The following THUMPD3 variants were observed in gnomAD, a reference collection of about 807,000 sequenced individuals.
THUMPD3 encodes the protein tRNA (guanine(6)-N(2))-methyltransferase THUMP3.
In THUMPD3, 44 loss-of-function variants were observed where a neutral mutation model predicts 54.5. The ratio of observed to expected loss-of-function variants is 0.81; its 90% CI spans 0.63 to 1.04. The LOEUF is 1.04. Ranked by LOEUF, THUMPD3 falls within the 50% of genes least tolerant of loss-of-function variation. The probability of loss-of-function intolerance (pLI) is 0.00; values close to 1 mark genes in which losing one functional copy is unlikely to be tolerated. For missense variants in THUMPD3, 604 were observed against 601.3 expected (o/e 1.00, Z -0.05); for synonymous variants, 196 against 201.4 (o/e 0.97, Z 0.23).
intron 5 of THUMPD3, 137 bp downstream of exon 5, chr3:9,374,783 A>G: frequency 2.0e-6 from 2 of 1,010,154 alleles, no homozygotes; most frequent in Non-Finnish European, 2.9e-6. Flanking sequence ...TGGAAAGCTA[A>G]TGATCTATTT....
In THUMPD3 at chr3:9,371,174, A is replaced by C. The variant is rs777135939; in HGVS notation, c.445A>C (p.Ile149Leu). ...AAAGAAAAAAGCAAAGCGCAAAAAG[A>C]TAAATCAGAATTCAAGTAAAGAGAA... ...FKKKKAKRKK[I>L]NQNSSKEKIN... Residue 149 changes from isoleucine (I) to leucine (L), a missense_variant, in exon 4 of 10, where the codon ATA (isoleucine) becomes CTA (leucine). Transcript: ENST00000452837. 1.5e-5 allele frequency: 24 copies of C among 1,612,118 alleles called. No homozygotes were observed. The South Asian group carries it at 2.7e-4, about 18-fold the overall frequency.
chr3:9,381,076 C>CA (rs1313278754), intron 7 of THUMPD3, among the ~76,000 whole-genome samples: 1 of 152,134 alleles, frequency 6.6e-6, no homozygotes, highest in Non-Finnish European at 1.5e-5. Flanking sequence ...GGAATACAGG[C>CA]ATGTGCCACC....
At chr3:9,377,789 T>C (rs2032580872) in intron 5 of THUMPD3, 30 bp from the exon 6 acceptor site, 1 of 1,573,514 alleles carries the variant, frequency 6.4e-7, no homozygotes, top group East Asian at 2.2e-5. Context: ...TTTGAGTGAG[T>C]CTTCACATAG....
At chr3:9,375,349 A>T (rs1202161003) in intron 5 of THUMPD3, among the ~76,000 whole-genome samples, 1 of 152,112 alleles carries the variant, frequency 6.6e-6, no homozygotes, top group Admixed American at 6.6e-5. Context: ...GCTTTTACTT[A>T]TATTTTTAAG....
intron 6 of THUMPD3, among the ~76,000 whole-genome samples, chr3:9,378,566 T>C (rs2032645852): frequency 6.6e-6 from 1 of 152,212 alleles, no homozygotes; most frequent in Non-Finnish European, 1.5e-5. Flanking sequence ...AGTTCTTCCA[T>C]ATAGTATACT....
rs1175161712 is a variant in THUMPD3, at chr3:9,385,983, G to A, written c.*1295G>A. ...ACTCATCATAGTATTGTTTATTTTGGAGCCTCTGGCTGCAATCAGTATAGA... is the reference window on the plus strand; with the variant it reads ...ACTCATCATAGTATTGTTTATTTTGAAGCCTCTGGCTGCAATCAGTATAGA... On this transcript the variant is annotated 3_prime_UTR_variant, in exon 10 of 10. Transcript: ENST00000452837. 6.6e-6 allele frequency: 1 copy of A among 152,068 alleles called. No individual in the cohort carries two copies. Among genetic ancestry groups the A allele is most frequent in the Non-Finnish European group, 1.5e-5 (1 of 68,018 alleles). 9.4% of individuals were successfully genotyped at this position (152,068 alleles called of 1,614,324 possible).
chr3:9,375,098 C>A (rs762458118), intron 5 of THUMPD3, among the ~76,000 whole-genome samples: 4 of 152,168 alleles, frequency 2.6e-5, no homozygotes, highest in Admixed American at 6.5e-5. Context: ...CTCAGGTGAT[C>A]CACCCGCCTC....
rs1418718697 is a variant in THUMPD3, at chr3:9,367,003, T to C, written c.330+18T>C. On this transcript the variant is annotated intron_variant, in intron 3 of 9. Transcript: ENST00000452837. Reference sequence around the variant, plus strand: ...AAACAAAGGTGAGCTATCCTAAACATGGTGGCTGATTTTTGGCTGTCTTCC... The same window carrying C: ...AAACAAAGGTGAGCTATCCTAAACACGGTGGCTGATTTTTGGCTGTCTTCC... The C allele has an allele frequency of 6.3e-7, 1 of 1,591,990 alleles. No homozygotes were observed.
chr3:9,375,045 C>T (rs542186105), intron 5 of THUMPD3, among the ~76,000 whole-genome samples: 4 of 152,136 alleles, frequency 2.6e-5, no homozygotes, highest in East Asian at 1.9e-4. Context: ...TTAATAGAGA[C>T]GACATTTCAC....
intron 3 of THUMPD3, 51 bp downstream of exon 3, chr3:9,367,036 G>T (rs2031623563): frequency 1.4e-6 from 2 of 1,390,418 alleles, no homozygotes; most frequent in South Asian, 1.2e-5. Context: ...TCCACAAAGA[G>T]ATTATTTCCA....
At chr3:9,364,556 A>G (rs1027340695) in intron 1 of THUMPD3, among the ~76,000 whole-genome samples, 1 of 152,144 alleles carries the variant, frequency 6.6e-6, no homozygotes, top group African/African-American at 2.4e-5. Context: ...CATGTGGGCC[A>G]GGCTGGTCTT....
At position 9,382,309 on chromosome 3, in the gene THUMPD3, A is replaced by G. The variant is rs1312459789; in HGVS notation, c.1125-890A>G. Among the ~76,000 whole-genome samples the G allele has an allele frequency of 2.6e-5, 4 of 152,140 alleles. No individual in the cohort carries two copies. The East Asian group carries it at 7.7e-4, about 29-fold the overall frequency. Reference sequence around the variant, plus strand: ...CTTATCTTCAGTTCTTAGCCTGTGCATTATTTTGTTTCTTAAACCAGTTGC... The same window carrying G: ...CTTATCTTCAGTTCTTAGCCTGTGCGTTATTTTGTTTCTTAAACCAGTTGC... On this transcript the variant is annotated intron_variant, in intron 7 of 9. Transcript: ENST00000452837.
At chr3:9,373,083 C>A (rs1362416029) in intron 4 of THUMPD3, among the ~76,000 whole-genome samples, 2 of 151,796 alleles carry the variant, frequency 1.3e-5, no homozygotes, top group Non-Finnish European at 2.9e-5. Flanking sequence ...CCTGTCTCCA[C>A]TAAAAATAAA....
chr3:9,373,208 G>A (rs2032195543), intron 4 of THUMPD3, among the ~76,000 whole-genome samples: 1 of 152,144 alleles, frequency 6.6e-6, no homozygotes, highest in Non-Finnish European at 1.5e-5. Context: ...AAATCCCAGA[G>A]GAGGCTGGGT....
intron 6 of THUMPD3, 89 bp downstream of exon 6, chr3:9,377,977 A>C (rs1450675378): frequency 7.5e-5 from 84 of 1,123,442 alleles, no homozygotes; most frequent in Non-Finnish European, 1.1e-4. Flanking sequence ...TGAAATCTCC[A>C]TGGTTGGATC....
intron 5 of THUMPD3, among the ~76,000 whole-genome samples, chr3:9,377,373 T>C (rs1397810633): frequency 6.6e-6 from 1 of 151,850 alleles, no homozygotes; most frequent in Non-Finnish European, 1.5e-5. Flanking sequence ...AAATTGATTT[T>C]ATTTATTTAT....
rs767758494 is a variant in THUMPD3, at chr3:9,366,991, C to G, written c.330+6C>G. On this transcript the variant is annotated splice_donor_region_variant and intron_variant, in intron 3 of 9. Coordinates refer to ENST00000452837, the MANE Select transcript of THUMPD3 (RefSeq NM_001114092.2). ...ACCAGTTCAAACAAACAAAGGTGAG[C>G]TATCCTAAACATGGTGGCTGATTTT... 2.5e-6 allele frequency: 4 copies of G among 1,605,032 alleles called. No individual in the cohort carries two copies. The highest frequency in any genetic ancestry group is 2.6e-6 in the Non-Finnish European group (3 of 1,176,246).
At chr3:9,368,637 AG>A (rs1358811129) in intron 3 of THUMPD3, among the ~76,000 whole-genome samples, 3 of 152,214 alleles carry the variant, frequency 2.0e-5, no homozygotes, top group African/African-American at 7.2e-5. Flanking sequence ...CTGGGGTTAC[AG>A]GCGTAAGCCA....
intron 1 of THUMPD3, 34 bp from the exon 2 acceptor site, chr3:9,364,982 T>C: frequency 1.3e-6 from 2 of 1,495,844 alleles, no homozygotes; most frequent in Non-Finnish European, 1.8e-6. Context: ...TATGAGATGA[T>C]AATATTTGGG....
Sources: allele counts gnomAD v4.1 joint callset (sites outside exome capture counted in the v4.1 genomes callset), GRCh38; gene constraint gnomAD v4.1.1; transcripts MANE v1.5; gene names NCBI Gene and HGNC (gene_info 2026-07-23, HGNC 2026-07-21).